AAK1: variants seen among roughly 807,000 people sequenced by gnomAD.
AAK1 encodes AP2 associated kinase 1, also known as AP2-associated protein kinase 1.
Under a neutral mutation model 116.0 loss-of-function variants are expected in AAK1, and 37 were observed. The observed-to-expected ratio is 0.32, with a 90% confidence interval of 0.25 to 0.42. The LOEUF (loss-of-function observed/expected upper bound fraction) is 0.42. Ranked by LOEUF, AAK1 falls within the 10% of genes least tolerant of loss-of-function variation. The probability of loss-of-function intolerance (pLI) is 1.00; values close to 1 mark genes in which losing one functional copy is unlikely to be tolerated. For synonymous variants in AAK1, 458 were observed against 439.9 expected (o/e 1.04, Z -0.51); for missense variants, 919 against 1,170.6 (o/e 0.79, Z 3.14).
Position 69,509,313 on chromosome 2 carries a change from T to C in AAK1, c.1924A>G (p.Ser642Gly). ...HRRILSDVTH[S>G]AVFGVPASKS... is the part of the protein sequence containing the mutation. ...CTGGCAGGGACCCCAAAGACTGCAC[T>C]GTGGGTTACGTCACTGAGAATACGC... Residue 642 changes from serine (S) to glycine (G), a missense_variant, in exon 14 of 22, where the codon AGT (serine) becomes GGT (glycine). Ser to Gly is a moderately conservative substitution (Grantham distance 56). Transcript: ENST00000409085. 6.2e-7 allele frequency: 1 copy of C among 1,613,950 alleles called. No homozygotes were observed. Among genetic ancestry groups the C allele is most frequent in the African/African-American group, 1.3e-5 (1 of 75,026 alleles).
At chr2:69,517,851 C>T (rs1000740358) in intron 12 of AAK1, among the ~76,000 whole-genome samples, 1 of 151,732 alleles carries the variant, frequency 6.6e-6, no homozygotes, top group African/African-American at 2.4e-5. Flanking sequence ...AGCCAGCAGC[C>T]GCATAGGCTA....
chr2:69,466,598 C>G lies in AAK1; in HGVS notation c.*9271G>C, dbSNP rs1468028679. ...AATTAATGTGTAGGTCAATTCAACT[C>G]TATTTGGAACATTTAATGGTCAACC... On this transcript the variant is annotated 3_prime_UTR_variant, in exon 22 of 22. Transcript: ENST00000409085. The G allele has an allele frequency of 2.7e-6, 3 of 1,128,004 alleles. No individual in the cohort carries two copies. Among genetic ancestry groups the G allele is most frequent in the Non-Finnish European group, 3.3e-6 (3 of 909,246 alleles). The allele number at this position is 1,128,004 out of a possible 1,614,324, so 69.9% of individuals were successfully genotyped here.
intron 2 of AAK1, among the ~76,000 whole-genome samples, chr2:69,561,271 G>T (rs1272783929): frequency 1.3e-5 from 2 of 152,184 alleles, no homozygotes; most frequent in East Asian, 1.9e-4. Flanking sequence ...AAAGTTAAAA[G>T]ATGATTTGCA....
At chr2:69,493,850 C>G (rs771897742) in intron 17 of AAK1, among the ~76,000 whole-genome samples, 44 of 152,128 alleles carry the variant, frequency 2.9e-4, no homozygotes, top group Admixed American at 1.4e-3. Flanking sequence ...AGCTGAGCAC[C>G]AGCAAGTGCA....
chr2:69,518,954 C>G lies in AAK1; in HGVS notation c.1497G>C (p.Gln499His). The change falls in exon 12 of 22, where the codon CAG (glutamine) becomes CAC (histidine). Residue 499 changes from glutamine (Q) to histidine (H), a missense_variant and splice_region_variant. By Grantham distance (24) the Gln-to-His change is conservative. Transcript: ENST00000409085. ...FYQQQQAQTQQFQAVHPATQK... is the reference protein window; with the variant it reads ...FYQQQQAQTQHFQAVHPATQK... ...AAGGGCCACACTCTGACCACCTTAC[C>G]TGCTGAGTCTGGGCCTGCTGCTGCT... 6.5e-7 allele frequency: 1 copy of G among 1,541,998 alleles called. No individual in the cohort carries two copies. Among genetic ancestry groups the G allele is most frequent in the Non-Finnish European group, 8.8e-7 (1 of 1,142,308 alleles).
intron 5 of AAK1, among the ~76,000 whole-genome samples, chr2:69,537,361 TG>T (rs1670517727): frequency 6.6e-6 from 1 of 152,240 alleles, no homozygotes; most frequent in South Asian, 2.1e-4. Flanking sequence ...TTATTTCCTC[TG>T]TCACTGGAAA....
At chr2:69,638,145 T>G (rs1307040046) in intron 2 of AAK1, among the ~76,000 whole-genome samples, 1 of 152,196 alleles carries the variant, frequency 6.6e-6, no homozygotes, top group Non-Finnish European at 1.5e-5. Context: ...ACATCTGAAG[T>G]GGGAGGGATC....
Position 69,467,622 on chromosome 2 carries a change from A to G in AAK1, c.*8247T>C. ...AAGAATATTAGATACAATGATTTGG[A>G]GCCATAGATGACCCAGAACCTCTGT... On this transcript the variant is annotated 3_prime_UTR_variant, in exon 22 of 22. Coordinates refer to ENST00000409085, the MANE Select transcript of AAK1 (RefSeq NM_014911.5). 1.0e-6 allele frequency: 1 copy of G among 985,420 alleles called. No homozygotes were observed. Among genetic ancestry groups the G allele is most frequent in the East Asian group, 1.1e-4 (1 of 8,816 alleles). 61.0% of individuals were successfully genotyped at this position (985,420 alleles called of 1,614,324 possible). A position where few individuals can be genotyped will look rare whatever the true frequency, so the allele number is the denominator to read the frequency against.
At chr2:69,497,836 T>C (rs1015576027) in intron 16 of AAK1, among the ~76,000 whole-genome samples, 1 of 152,180 alleles carries the variant, frequency 6.6e-6, no homozygotes, top group East Asian at 1.9e-4. Context: ...ATATAAACTG[T>C]AGCCTGAGAT....
intron 2 of AAK1, among the ~76,000 whole-genome samples, chr2:69,604,256 G>A (rs1477849820): frequency 2.0e-5 from 3 of 152,172 alleles, no homozygotes; most frequent in African/African-American, 7.2e-5. Context: ...CTTTACACAG[G>A]AGGTGGAGCT....
chr2:69,495,843 A>G, intron 17 of AAK1, 142 bp downstream of exon 17: 1 of 643,304 alleles, frequency 1.6e-6, no homozygotes, highest in Non-Finnish European at 2.6e-6. Flanking sequence ...TTATTGAGAC[A>G]CAGTAAAAAT....
intron 2 of AAK1, among the ~76,000 whole-genome samples, chr2:69,615,026 C>G (rs1674259786): frequency 6.6e-6 from 1 of 152,184 alleles, no homozygotes; most frequent in African/African-American, 2.4e-5. Flanking sequence ...GTAAGCCACC[C>G]AGTTTGTGGT....
At chr2:69,595,081 T>C (rs1673210138) in intron 2 of AAK1, 1 of 680,076 alleles carries the variant, frequency 1.5e-6, no homozygotes, top group Non-Finnish European at 2.7e-6. Context: ...ACTATCAGCA[T>C]GGAAAAAGCT....
Position 69,466,666 on chromosome 2 carries a change from T to A in AAK1, c.*9203A>T. ...GGGACCAAATAATAGATGTTGAAAATGCAACAGGAAAAACATAAAAATAAA... is the reference window on the plus strand; with the variant it reads ...GGGACCAAATAATAGATGTTGAAAAAGCAACAGGAAAAACATAAAAATAAA... On this transcript the variant is annotated 3_prime_UTR_variant, in exon 22 of 22. Coordinates refer to ENST00000409085, the MANE Select transcript of AAK1 (RefSeq NM_014911.5). The A allele has an allele frequency of 9.3e-7, 1 of 1,079,272 alleles. No homozygotes were observed. The allele number at this position is 1,079,272 out of a possible 1,614,324, so 66.9% of individuals were successfully genotyped here. A position where few individuals can be genotyped will look rare whatever the true frequency, so the allele number is the denominator to read the frequency against.
In AAK1 at chr2:69,643,588, G is replaced by T; in HGVS notation, c.-248C>A. ...GGCAGCACCCACTTGAGACGGCTCG[G>T]CGGCCGGCGCCCTGCTACCAGCCCC... On this transcript the variant is annotated 5_prime_UTR_variant, in exon 1 of 22. Transcript: ENST00000409085. 8.1e-7 allele frequency: 1 copy of T among 1,228,656 alleles called. No individual in the cohort carries two copies. Among genetic ancestry groups the T allele is most frequent in the Non-Finnish European group, 1.0e-6 (1 of 986,200 alleles). 76.1% of individuals were successfully genotyped at this position (1,228,656 alleles called of 1,614,324 possible).
chr2:69,556,734 T>A, intron 3 of AAK1, 126 bp downstream of exon 3: 1 of 675,812 alleles, frequency 1.5e-6, no homozygotes, highest in Non-Finnish European at 2.6e-6. Flanking sequence ...GGCTGTTGAG[T>A]CCCATTTTGT....
intron 2 of AAK1, among the ~76,000 whole-genome samples, chr2:69,581,715 G>A (rs1210001833): frequency 6.6e-6 from 1 of 152,180 alleles, no homozygotes; most frequent in Non-Finnish European, 1.5e-5. Flanking sequence ...GGTGGTTCAT[G>A]CCTATAATCC....
chr2:69,520,874 G>C lies in AAK1; in HGVS notation c.1170C>G (p.Pro390=). The change falls in exon 11 of 22, where the codon CCC becomes CCG. Residue 390 remains proline (P), a synonymous_variant. Transcript: ENST00000409085. ...GGGGCTGAACAGTGGCCCTCTTCCG[G>C]GGTGTCAGCGCTGGCTGGATGGGAA... The part of the protein sequence containing the change: ...GILPIQPALT[P]RKRATVQPPP... The C allele has an allele frequency of 6.3e-7, 1 of 1,595,328 alleles. No individual in the cohort carries two copies. The highest frequency in any genetic ancestry group is 8.5e-7 in the Non-Finnish European group (1 of 1,172,060).
In AAK1 at chr2:69,466,254, T is replaced by A. The variant is rs1674481614; in HGVS notation, c.*9615A>T. On this transcript the variant is annotated 3_prime_UTR_variant, in exon 22 of 22. Transcript: ENST00000409085. ...AGCGAATGGAACGGCTCCTCCCAGCTTCCCCGGGGGGGGTCTGCAGCTCTC... is the reference window on the plus strand; with the variant it reads ...AGCGAATGGAACGGCTCCTCCCAGCATCCCCGGGGGGGGTCTGCAGCTCTC... The A allele has an allele frequency of 7.8e-7, 1 of 1,289,676 alleles. No homozygotes were observed. Among genetic ancestry groups the A allele is most frequent in the South Asian group, 1.2e-5 (1 of 81,036 alleles). The allele number at this position is 1,289,676 out of a possible 1,614,324, so 79.9% of individuals were successfully genotyped here.
Sources: allele counts gnomAD v4.1 joint callset (sites outside exome capture counted in the v4.1 genomes callset), GRCh38; gene constraint gnomAD v4.1.1; transcripts MANE v1.5; gene names NCBI Gene and HGNC (gene_info 2026-07-23, HGNC 2026-07-21).